The following ERP44 variants were observed in gnomAD, a reference collection of about 807,000 sequenced individuals.
ERP44 encodes the protein endoplasmic reticulum resident protein 44.
ERP44 carries 25 observed loss-of-function variants against 53.4 expected under a neutral mutation model. That is an observed-to-expected ratio of 0.47 (90% confidence interval 0.34 to 0.65). The LOEUF is 0.65. ERP44 is among the 30% of genes least tolerant of loss of function. ERP44 has a pLI of 0.01. For missense variants in ERP44, 338 were observed against 493.2 expected, an observed-to-expected ratio of 0.69 and a Z score of 2.98; for synonymous variants, 145 against 161.2, an observed-to-expected ratio of 0.90 and a Z score of 0.76.
chr9:100,044,325 C>A (rs927175999), intron 4 of ERP44, among the ~76,000 whole-genome samples: 1 of 152,032 alleles, frequency 6.6e-6, no homozygotes, highest in Admixed American at 6.6e-5. Context: ...TCTCATAGAG[C>A]CATTTTATCA....
chr9:100,067,956 G>A (rs1192763118), intron 1 of ERP44, among the ~76,000 whole-genome samples: 2 of 151,102 alleles, frequency 1.3e-5, no homozygotes, highest in Non-Finnish European at 3.0e-5. Flanking sequence ...GTCTCCGCCC[G>A]GCAGCCACCC....
intron 1 of ERP44, among the ~76,000 whole-genome samples, chr9:100,094,932 T>C (rs1826607659): frequency 6.7e-6 from 1 of 149,116 alleles, no homozygotes; most frequent in African/African-American, 2.5e-5. Context: ...TGATCACTCC[T>C]CTGCACTCTA....
In ERP44 at chr9:100,044,145, T is replaced by A. The variant is rs542091175; in HGVS notation, c.286+8272A>T. Among the ~76,000 whole-genome samples the A allele has an allele frequency of 2.0e-5, 3 of 152,316 alleles. No homozygotes were observed. The South Asian group carries it at 6.2e-4, about 32-fold the overall frequency. On this transcript the variant is annotated intron_variant, in intron 4 of 11. Coordinates refer to ENST00000262455, the MANE Select transcript of ERP44 (RefSeq NM_015051.3). ...TAAACTATGGCAGTATTTATTTCAT[T>A]TTTGGAAAATAATGATAACTGTAGT...
intron 4 of ERP44, among the ~76,000 whole-genome samples, chr9:100,030,397 G>A (rs905882350): frequency 1.3e-5 from 2 of 152,118 alleles, no homozygotes; most frequent in Non-Finnish European, 2.9e-5. Context: ...TGGGGTATCC[G>A]GGTAAAGGAT....
At chr9:99,998,299 A>T (rs762257783) in intron 10 of ERP44, 6 of 439,746 alleles carry the variant, frequency 1.4e-5, no homozygotes, top group Non-Finnish European at 2.6e-5. Context: ...GCACGCAGTG[A>T]CTCATTCTGC....
At chr9:100,017,134 A>C (rs1210720624) in intron 7 of ERP44, among the ~76,000 whole-genome samples, 1 of 152,212 alleles carries the variant, frequency 6.6e-6, no homozygotes, top group Non-Finnish European at 1.5e-5. Flanking sequence ...ACTCAAAATC[A>C]ATTATCTATG....
Position 99,979,939 on chromosome 9 carries a change from C to T in ERP44, c.*2673G>A, listed in dbSNP as rs1032323699. On this transcript the variant is annotated 3_prime_UTR_variant, in exon 12 of 12. Coordinates refer to ENST00000262455, the MANE Select transcript of ERP44 (RefSeq NM_015051.3). ...ATATACTACAAACCCCTTAGTCTGG[C>T]ACACAAGGCCCTGTGTGACCAGCTC... 3 of 398,522 alleles carry T rather than the reference C, an allele frequency of 7.5e-6. No individual in the cohort carries two copies. The highest frequency in any genetic ancestry group is 3.6e-5 in the East Asian group (1 of 28,074). 24.7% of individuals were successfully genotyped at this position (398,522 alleles called of 1,614,324 possible). A position where few individuals can be genotyped will look rare whatever the true frequency, so the allele number is the denominator to read the frequency against.
At chr9:100,022,000 A>G (rs1222987256) in intron 5 of ERP44, 42 bp downstream of exon 5, 2 of 1,552,542 alleles carry the variant, frequency 1.3e-6, no homozygotes, top group Non-Finnish European at 1.8e-6. Flanking sequence ...GTTTACATTA[A>G]TCAGGGAATG....
intron 1 of ERP44, among the ~76,000 whole-genome samples, chr9:100,067,122 T>C (rs956012698): frequency 6.6e-6 from 1 of 152,076 alleles, no homozygotes; most frequent in African/African-American, 2.4e-5. Flanking sequence ...TGAGAGCCTG[T>C]CTCTAAAAAA....
At chr9:100,077,900 A>G (rs1476213150) in intron 1 of ERP44, among the ~76,000 whole-genome samples, 1 of 152,248 alleles carries the variant, frequency 6.6e-6, no homozygotes, top group African/African-American at 2.4e-5. Context: ...CAATCCAGGC[A>G]GAACTACAAA....
chr9:100,009,772 C>G (rs1159971451), intron 8 of ERP44, among the ~76,000 whole-genome samples: 1 of 152,160 alleles, frequency 6.6e-6, no homozygotes, highest in Non-Finnish European at 1.5e-5. Context: ...AAACAAGTAC[C>G]TTAAATACTC....
chr9:100,047,509 C>A (rs935231290), intron 4 of ERP44, among the ~76,000 whole-genome samples: 4 of 152,146 alleles, frequency 2.6e-5, no homozygotes, highest in African/African-American at 9.7e-5. Flanking sequence ...TAGAAGTACA[C>A]ATGCAAAATA....
intron 4 of ERP44, among the ~76,000 whole-genome samples, chr9:100,033,333 T>C (rs1442157808): frequency 2.6e-5 from 4 of 152,190 alleles, no homozygotes; most frequent in Admixed American, 2.6e-4. Context: ...ACAGTCCCTG[T>C]ACATGGTTTC....
intron 10 of ERP44, among the ~76,000 whole-genome samples, chr9:99,997,701 A>T (rs972107667): frequency 2.6e-5 from 4 of 152,206 alleles, no homozygotes; most frequent in African/African-American, 7.2e-5. Flanking sequence ...AACCATTTTC[A>T]TCCGGTCAGT....
intron 1 of ERP44, among the ~76,000 whole-genome samples, chr9:100,087,455 T>C (rs1175899875): frequency 6.6e-6 from 1 of 152,194 alleles, no homozygotes; most frequent in African/African-American, 2.4e-5. Flanking sequence ...GGTATCTATT[T>C]AGTCATTCAT....
rs370347927 is a variant in ERP44 at position 100,020,569 on chromosome 9, A to G, written c.587+47T>C. The G allele has an allele frequency of 6.4e-6, 6 of 930,236 alleles. No homozygotes were observed. The African/African-American group carries it at 6.5e-5, about 10-fold the overall frequency. 57.6% of individuals were successfully genotyped at this position (930,236 alleles called of 1,614,324 possible). A position where few individuals can be genotyped will look rare whatever the true frequency, so the allele number is the denominator to read the frequency against. ...TGACCAAATACAACAGCAATTTAAC[A>G]TGGCAGCCAACCAACCCACTAACAC... On this transcript the variant is annotated intron_variant, in intron 6 of 11. Coordinates refer to ENST00000262455, the MANE Select transcript of ERP44 (RefSeq NM_015051.3).
At chr9:100,015,802 ATTAG>A (rs1157291514) in intron 8 of ERP44, among the ~76,000 whole-genome samples, 1 of 152,152 alleles carries the variant, frequency 6.6e-6, no homozygotes, top group Non-Finnish European at 1.5e-5. Flanking sequence ...ATCATCAGGC[ATTAG>A]TTAGATTCTC....
intron 8 of ERP44, 116 bp downstream of exon 8, chr9:100,016,206 T>A: frequency 7.1e-7 from 1 of 1,405,208 alleles, no homozygotes; most frequent in Non-Finnish European, 9.4e-7. Context: ...TATAGTTATG[T>A]TCACTATATG....
chr9:100,067,218 CCA>C (rs1215936770), intron 1 of ERP44, among the ~76,000 whole-genome samples: 2 of 152,192 alleles, frequency 1.3e-5, no homozygotes, highest in Admixed American at 6.5e-5. Flanking sequence ...CCCTCTCTTT[CCA>C]CAGTCTCCCT....
Sources: allele counts gnomAD v4.1 joint callset (sites outside exome capture counted in the v4.1 genomes callset), GRCh38; gene constraint gnomAD v4.1.1; transcripts MANE v1.5; gene names NCBI Gene and HGNC (gene_info 2026-07-23, HGNC 2026-07-21).